The following PLCB4 variants were observed in gnomAD, a reference collection of about 807,000 sequenced individuals.
PLCB4 encodes the protein phospholipase C beta 4, also known as 1-phosphatidylinositol 4,5-bisphosphate phosphodiesterase beta-4.
PLCB4 carries 77 observed loss-of-function variants against 178.8 expected under a neutral mutation model. The ratio of observed to expected loss-of-function variants is 0.43; its 90% confidence interval spans 0.36 to 0.52. The LOEUF (loss-of-function observed/expected upper bound fraction) is 0.52. PLCB4 is among the 20% of genes least tolerant of loss of function. PLCB4 has a pLI of 0.00. For missense variants in PLCB4, 1,024 were observed against 1,453.4 expected, an observed-to-expected ratio of 0.70 and a Z score of 4.80; for synonymous variants, 496 against 490.8, an observed-to-expected ratio of 1.01 and a Z score of -0.14.
At chr20:9,073,280 C>T (rs1395509341) in intron 1 of PLCB4, among the ~76,000 whole-genome samples, 1 of 152,206 alleles carries the variant, frequency 6.6e-6, no homozygotes, top group African/African-American at 2.4e-5. Context: ...CCACAGACCA[C>T]AGACCCCTGA....
chr20:9,442,679 G>C (rs1197965876), intron 30 of PLCB4, among the ~76,000 whole-genome samples: 7 of 152,096 alleles, frequency 4.6e-5, no homozygotes, highest in African/African-American at 1.7e-4. Context: ...GGAGCTCTTT[G>C]TGTGCCAGGA....
chr20:9,415,906 C>A (rs1030347634), intron 25 of PLCB4, among the ~76,000 whole-genome samples: 1 of 152,284 alleles, frequency 6.6e-6, no homozygotes, highest in South Asian at 2.1e-4. Flanking sequence ...GCCCCCTGCA[C>A]CCTCACAGCC....
chr20:9,142,939 C>T (rs1793839091), intron 2 of PLCB4, among the ~76,000 whole-genome samples: 1 of 152,190 alleles, frequency 6.6e-6, no homozygotes, highest in South Asian at 2.1e-4. Flanking sequence ...TTACTACCTT[C>T]TCCTTTGTTC....
intron 2 of PLCB4, among the ~76,000 whole-genome samples, chr20:9,209,067 T>C (rs1226946630): frequency 6.6e-6 from 1 of 152,126 alleles, no homozygotes; most frequent in Non-Finnish European, 1.5e-5. Flanking sequence ...GTACTGAGTG[T>C]GTGTTTGCTG....
At chr20:9,247,075 T>C (rs539157034) in intron 3 of PLCB4, among the ~76,000 whole-genome samples, 35 of 152,336 alleles carry the variant, frequency 2.3e-4, no homozygotes, top group African/African-American at 8.2e-4. Context: ...CATATTAAGA[T>C]ACTTCAACAT....
At chr20:9,356,986 C>T (rs1293137950) in intron 7 of PLCB4, among the ~76,000 whole-genome samples, 3 of 152,016 alleles carry the variant, frequency 2.0e-5, no homozygotes, top group African/African-American at 4.8e-5. Flanking sequence ...TGTGGTGGCT[C>T]ACACTTGTGG....
At chr20:9,384,463 T>A (rs1449018738) in intron 14 of PLCB4, 52 bp downstream of exon 14, 1 of 1,242,306 alleles carries the variant, frequency 8.0e-7, no homozygotes, top group African/African-American at 1.5e-5. Flanking sequence ...CCCTTCAGTT[T>A]AATTTACTTT....
rs142595812 is a variant in PLCB4 at position 9,344,277 on chromosome 20, C to T, written c.369+5240C>T. Among the ~76,000 whole-genome samples, 851 of 152,298 alleles carry T rather than the reference C, an allele frequency of 5.6e-3. 15 individuals carry two copies. Among genetic ancestry groups the T allele is most frequent in the African/African-American group, 0.02 (812 of 41,566 alleles). On this transcript the variant is annotated intron_variant, in intron 7 of 39. Coordinates refer to ENST00000378473, the MANE Select transcript of PLCB4 (RefSeq NM_001377142.1). ...AGAGCTTTCTCCCCCACAGCCCTCA[C>T]GTGTCTGCTGGAAAATTGTCTTAGC...
At chr20:9,361,544 T>A (rs944152187) in intron 7 of PLCB4, among the ~76,000 whole-genome samples, 1 of 152,012 alleles carries the variant, frequency 6.6e-6, no homozygotes, top group Non-Finnish European at 1.5e-5. Context: ...ATGAAAAGAG[T>A]TCTGGAGATG....
At chr20:9,146,642 A>G (rs2092603601) in intron 2 of PLCB4, among the ~76,000 whole-genome samples, 1 of 152,156 alleles carries the variant, frequency 6.6e-6, no homozygotes, top group African/African-American at 2.4e-5. Flanking sequence ...TAAAGTGGAA[A>G]GTCCCTAGTT....
intron 13 of PLCB4, 33 bp downstream of exon 13, chr20:9,380,195 A>C (rs1602236159): frequency 8.9e-7 from 1 of 1,118,912 alleles, no homozygotes; most frequent in Non-Finnish European, 1.3e-6. Flanking sequence ...TTAAAAAAAA[A>C]AACAAGAAAA....
At chr20:9,347,630 T>G (rs1435543229) in intron 7 of PLCB4, among the ~76,000 whole-genome samples, 1 of 152,224 alleles carries the variant, frequency 6.6e-6, no homozygotes, top group African/African-American at 2.4e-5. Context: ...CCTCATTTGT[T>G]AAAGAAAGGA....
intron 2 of PLCB4, among the ~76,000 whole-genome samples, chr20:9,162,990 G>A (rs1232650330): frequency 6.6e-6 from 1 of 152,024 alleles, no homozygotes; most frequent in Non-Finnish European, 1.5e-5. Flanking sequence ...TCTTACCATG[G>A]CCAATTTTAA....
At chr20:9,339,832 A>G (rs887166605) in intron 7 of PLCB4, among the ~76,000 whole-genome samples, 1 of 152,178 alleles carries the variant, frequency 6.6e-6, no homozygotes, top group Non-Finnish European at 1.5e-5. Context: ...TTTTAATACC[A>G]TATCCAGCAT....
At chr20:9,269,466 A>G (rs1050307170) in intron 3 of PLCB4, among the ~76,000 whole-genome samples, 4 of 152,190 alleles carry the variant, frequency 2.6e-5, no homozygotes, top group African/African-American at 9.7e-5. Context: ...GCCATAAGAG[A>G]TAATATGTTC....
At chr20:9,221,888 C>A (rs1366078183) in intron 3 of PLCB4, among the ~76,000 whole-genome samples, 2 of 152,026 alleles carry the variant, frequency 1.3e-5, no homozygotes, top group Non-Finnish European at 2.9e-5. Context: ...AGGTTAACTT[C>A]ATTATTCTTC....
At chr20:9,307,494 T>TATACACACACACACAC (rs1396442853) in intron 3 of PLCB4, among the ~76,000 whole-genome samples, 5 of 138,094 alleles carry the variant, frequency 3.6e-5, no homozygotes, top group African/African-American at 1.1e-4. Context: ...AAAAAAAGAA[T>TATACACACACACACAC]ACACACACAC....
At chr20:9,143,172 C>T (rs6056425) in intron 2 of PLCB4, among the ~76,000 whole-genome samples, 32 of 152,254 alleles carry the variant, frequency 2.1e-4, no homozygotes, top group African/African-American at 7.5e-4. Flanking sequence ...CTTTTTCCTC[C>T]ATAACCTTTA....
intron 32 of PLCB4, among the ~76,000 whole-genome samples, chr20:9,449,315 A>G (rs6056632): frequency 9.1e-4 from 138 of 152,264 alleles, no homozygotes; most frequent in African/African-American, 2.9e-3. Context: ...AGTTGGATAC[A>G]TATCTCCAGT....
Sources: allele counts gnomAD v4.1 joint callset (sites outside exome capture counted in the v4.1 genomes callset), GRCh38; gene constraint gnomAD v4.1.1; transcripts MANE v1.5; gene names NCBI Gene and HGNC (gene_info 2026-07-23, HGNC 2026-07-21).